Variants in OR4C6 observed in about 807,000 individuals in gnomAD.
OR4C6 encodes olfactory receptor 4C6.
A neutral mutation model predicts 13.9 loss-of-function variants in OR4C6; 20 were observed. The ratio of observed to expected loss-of-function variants is 1.43; its 90% CI spans 1.01 to 2.08. The LOEUF is 2.08. Among genes scored for constraint, OR4C6 ranks in the 30% most tolerant of loss-of-function variants. The pLI is 0.00. For synonymous variants in OR4C6, 193 were observed against 141.5 expected (o/e 1.36, Z -2.58); for missense variants, 555 against 381.2 (o/e 1.46, Z -3.80).
rs12363829 is a variant in OR4C6, at chr11:55,666,029, G to A, written c.863G>A (p.Arg288Lys). 6.2e-7 allele frequency: 1 copy of A among 1,613,784 alleles called. No homozygotes were observed. Among genetic ancestry groups the A allele is most frequent in the East Asian group, 2.2e-5 (1 of 44,866 alleles). ...PMLNPLIYTL[R>K]NAEVKSAMKK... Reference sequence around the variant, plus strand: ...TTAAATCCCTTGATCTATACACTGAGGAATGCAGAGGTGAAAAGTGCCATG... The same window carrying A: ...TTAAATCCCTTGATCTATACACTGAAGAATGCAGAGGTGAAAAGTGCCATG... The change falls in exon 2 of 2, where the codon AGG (arginine) becomes AAG (lysine). Residue 288 changes from arginine (R) to lysine (K), a missense_variant. Transcript: ENST00000314259.
chr11:55,665,231 G>A lies in OR4C6; in HGVS notation c.65G>A (p.Trp22Ter), dbSNP rs146328803. 6.2e-7 allele frequency: 1 copy of A among 1,613,184 alleles called. No individual in the cohort carries two copies. Among genetic ancestry groups the A allele is most frequent in the African/African-American group, 1.3e-5 (1 of 74,714 alleles). ...GGTCTCACAGAGAACCTGGAGCTGT[G>A]GAAAATATTTTCTGCTGTGTTTCTT... ...LLGLTENLEL[W>*]KIFSAVFLVM... Residue 22 changes from tryptophan (W) to a stop codon, truncating the protein, a stop_gained, in exon 2 of 2, where the codon TGG becomes TAG. Transcript: ENST00000314259. LOFTEE classifies it high-confidence loss of function.
chr11:55,664,894 A>C (rs1858716472), intron 1 of OR4C6, among the ~76,000 whole-genome samples: 1 of 152,084 alleles, frequency 6.6e-6, no homozygotes, highest in Non-Finnish European at 1.5e-5. Flanking sequence ...ACAAGGAGGA[A>C]AAAATCTATT....
At position 55,665,534 on chromosome 11, in the gene OR4C6, C is replaced by A. The variant is rs147078587; in HGVS notation, c.368C>A (p.Ala123Asp). The change falls in exon 2 of 2, where the codon GCC becomes GAC. Residue 123 changes from alanine (A) to aspartate (D), a missense_variant. Coordinates refer to ENST00000314259, the MANE Select transcript of OR4C6 (RefSeq NM_001004704.2). ...GTGATGGCCTATGACCGCTACGTGG[C>A]CATCTGTAAGCCCCTGCACTACACG... Reference protein sequence around the residue: ...LTVMAYDRYVAICKPLHYTII... With the variant: ...LTVMAYDRYVDICKPLHYTII... 1.2e-4 allele frequency: 197 copies of A among 1,613,832 alleles called. 1 individual carries two copies. In the African/African-American group the frequency reaches 2.0e-3, roughly 16 times the overall value.
Position 55,665,799 on chromosome 11 carries a change from C to A in OR4C6, c.633C>A (p.Ile211=), listed in dbSNP as rs1170715462. Reference sequence around the variant, plus strand: ...TGATGTGTGTGGCCATCTTTCTTATCTTAATTGCGTCCTACACGGTCATCC... The same window carrying A: ...TGATGTGTGTGGCCATCTTTCTTATATTAATTGCGTCCTACACGGTCATCC... ...SGMMCVAIFL[I]LIASYTVILC... The change falls in exon 2 of 2, where the codon ATC becomes ATA. Residue 211 remains isoleucine, a synonymous_variant. Transcript: ENST00000314259. 2 of 1,613,960 alleles carry A rather than the reference C, an allele frequency of 1.2e-6. No individual in the cohort carries two copies. The highest frequency in any genetic ancestry group is 1.7e-5 in the Admixed American group (1 of 59,996).
At chr11:55,664,991 T>C (rs1858717672) in intron 1 of OR4C6, 134 bp from the exon 2 acceptor site, 2 of 559,466 alleles carry the variant, frequency 3.6e-6, no homozygotes, top group Non-Finnish European at 6.3e-6. Flanking sequence ...AAATTATTTA[T>C]TTAGCACATT....
At chr11:55,664,415 A>T (rs1858708473) in intron 1 of OR4C6, among the ~76,000 whole-genome samples, 1 of 152,062 alleles carries the variant, frequency 6.6e-6, no homozygotes, top group African/African-American at 2.4e-5. Context: ...AATCTTCATT[A>T]CTGAACAATG....
rs754237002 is a variant in OR4C6, at chr11:55,665,461, C to A, written c.295C>A (p.Leu99Met). The change falls in exon 2 of 2, where the codon CTG becomes ATG. Residue 99 changes from leucine to methionine, a missense_variant. Physicochemically the swap from Leu to Met is conservative, Grantham distance 15. Coordinates refer to ENST00000314259, the MANE Select transcript of OR4C6 (RefSeq NM_001004704.2). ...CTCTCTCAAAGGCTGCCTCACCCAG[C>A]TGTTTGTGGAGCATTTCTTTGGTGG... The part of the protein sequence containing the change: ...TISLKGCLTQ[L>M]FVEHFFGGVG... 6.2e-7 allele frequency: 1 copy of A among 1,613,880 alleles called. No individual in the cohort carries two copies. Among genetic ancestry groups the A allele is most frequent in the Admixed American group, 1.7e-5 (1 of 59,984 alleles).
rs1858691017 is a variant in OR4C6, at chr11:55,663,187, G to C, written c.-43+939G>C. ...CCCTTTGAACAGAAGATTAAGTATG[G>C]AAAAAAATAACAGGGTATGAGTCTG... On this transcript the variant is annotated intron_variant, in intron 1 of 1. Coordinates refer to ENST00000314259, the MANE Select transcript of OR4C6 (RefSeq NM_001004704.2). Among the ~76,000 whole-genome samples the C allele has an allele frequency of 2.2e-5, 3 of 137,238 alleles. 1 individual carries two copies. The highest frequency in any genetic ancestry group is 4.8e-5 in the Non-Finnish European group (3 of 62,024). 90.0% of individuals were successfully genotyped at this position (137,238 alleles called of 152,430 possible).
Position 55,665,602 on chromosome 11 carries a change from G to A in OR4C6, c.436G>A (p.Ala146Thr), listed in dbSNP as rs778706066. The A allele has an allele frequency of 6.2e-6, 10 of 1,613,770 alleles. No individual in the cohort carries two copies. Among genetic ancestry groups the A allele is most frequent in the Non-Finnish European group, 6.8e-6 (8 of 1,179,974 alleles). The change falls in exon 2 of 2, where the codon GCT becomes ACT. Residue 146 changes from alanine (A) to threonine (T), a missense_variant. Coordinates refer to ENST00000314259, the MANE Select transcript of OR4C6 (RefSeq NM_001004704.2). Reference protein sequence around the residue: ...PRVCCLMVGGAWVGGFMHAMI... With the variant: ...PRVCCLMVGGTWVGGFMHAMI... ...GGTGTGCTGCCTAATGGTAGGAGGGGCTTGGGTGGGGGGATTTATGCACGC... is the reference window on the plus strand; with the variant it reads ...GGTGTGCTGCCTAATGGTAGGAGGGACTTGGGTGGGGGGATTTATGCACGC...
chr11:55,665,336 T>C lies in OR4C6; in HGVS notation c.170T>C (p.Met57Thr), dbSNP rs372837282. ...IITSQSLRSP[M>T]YFFLTFLSLL... ...ACAAGTCAGAGTCTGAGGTCACCTA[T>C]GTATTTTTTTCTTACCTTCTTGTCC... The change falls in exon 2 of 2, where the codon ATG (methionine) becomes ACG (threonine). Residue 57 changes from methionine to threonine, a missense_variant. By Grantham distance (81) the Met-to-Thr change is moderately conservative. Transcript: ENST00000314259. 6 of 1,613,806 alleles carry C rather than the reference T, an allele frequency of 3.7e-6. No individual in the cohort carries two copies. The highest frequency in any genetic ancestry group is 3.3e-5 in the South Asian group (3 of 91,088).
At position 55,662,655 on chromosome 11, in the gene OR4C6, T is replaced by C. The variant is rs1858685168; in HGVS notation, c.-43+407T>C. Among the ~76,000 whole-genome samples the C allele has an allele frequency of 1.4e-5, 2 of 138,170 alleles. 1 individual carries two copies. Among genetic ancestry groups the C allele is most frequent in the Non-Finnish European group, 3.2e-5 (2 of 62,190 alleles). The allele number at this position is 138,170 out of a possible 152,430, so 90.6% of individuals were successfully genotyped here. ...AGTGGCGGTAGGCAGTGGGGAGAATTGGTTGACTGAGGGCATAGACAGAGG... is the reference window on the plus strand; with the variant it reads ...AGTGGCGGTAGGCAGTGGGGAGAATCGGTTGACTGAGGGCATAGACAGAGG... On this transcript the variant is annotated intron_variant, in intron 1 of 1. Transcript: ENST00000314259.
rs144349650 is a variant in OR4C6 at position 55,665,500 on chromosome 11, C to T, written c.334C>T (p.Leu112Phe). Residue 112 changes from leucine (L) to phenylalanine (F), a missense_variant, in exon 2 of 2, where the codon CTC becomes TTC. By Grantham distance (22) the Leu-to-Phe change is conservative. Coordinates refer to ENST00000314259, the MANE Select transcript of OR4C6 (RefSeq NM_001004704.2). ...TTTCTTTGGTGGTGTGGGGATCATC[C>T]TCCTCACTGTGATGGCCTATGACCG... Reference protein sequence around the residue: ...EHFFGGVGIILLTVMAYDRYV... With the variant: ...EHFFGGVGIIFLTVMAYDRYV... 1.2e-5 allele frequency: 20 copies of T among 1,613,802 alleles called. No individual in the cohort carries two copies. In the East Asian group the frequency reaches 4.5e-4, roughly 36 times the overall value.
intron 1 of OR4C6, 132 bp from the exon 2 acceptor site, chr11:55,664,993 T>G (rs1227900031): frequency 3.6e-6 from 2 of 561,524 alleles, no homozygotes; most frequent in African/African-American, 1.9e-5. Flanking sequence ...ATTATTTATT[T>G]AGCACATTCT....
At chr11:55,664,959 A>G (rs1186245086) in intron 1 of OR4C6, among the ~76,000 whole-genome samples, 166 bp from the exon 2 acceptor site, 2 of 152,110 alleles carry the variant, frequency 1.3e-5, no homozygotes, top group Non-Finnish European at 2.9e-5. Context: ...GAAGCCTTGC[A>G]TAAATAAAGT....
At position 55,665,953 on chromosome 11, in the gene OR4C6, C is replaced by G; in HGVS notation, c.787C>G (p.His263Asp). Reference sequence around the variant, plus strand: ...CTTGTACATGAGGCCTGTGGTCACTCACCCCATAGACAAGGCAATGGCTGT... The same window carrying G: ...CTTGTACATGAGGCCTGTGGTCACTGACCCCATAGACAAGGCAATGGCTGT... Reference protein sequence around the residue: ...IFLYMRPVVTHPIDKAMAVSD... With the variant: ...IFLYMRPVVTDPIDKAMAVSD... The change falls in exon 2 of 2, where the codon CAC becomes GAC. Residue 263 changes from histidine (H) to aspartate (D), a missense_variant. His to Asp is a moderately conservative substitution (Grantham distance 81). Coordinates refer to ENST00000314259, the MANE Select transcript of OR4C6 (RefSeq NM_001004704.2). The G allele has an allele frequency of 6.2e-7, 1 of 1,613,898 alleles. No homozygotes were observed. Among genetic ancestry groups the G allele is most frequent in the Non-Finnish European group, 8.5e-7 (1 of 1,179,946 alleles).
In OR4C6 at chr11:55,665,992, A is replaced by T. The variant is rs568493112; in HGVS notation, c.826A>T (p.Ile276Phe). 8 of 1,613,442 alleles carry T rather than the reference A, an allele frequency of 5.0e-6. No individual in the cohort carries two copies. The highest frequency in any genetic ancestry group is 6.8e-6 in the Non-Finnish European group (8 of 1,179,700). The change falls in exon 2 of 2, where the codon ATC becomes TTC. Residue 276 changes from isoleucine (I) to phenylalanine (F), a missense_variant. Transcript: ENST00000314259. Reference sequence around the variant, plus strand: ...GGCAATGGCTGTGTCAGACTCAATCATCACACCCATGTTAAATCCCTTGAT... The same window carrying T: ...GGCAATGGCTGTGTCAGACTCAATCTTCACACCCATGTTAAATCCCTTGAT... The part of the protein sequence containing the change: ...DKAMAVSDSI[I>F]TPMLNPLIYT...
In OR4C6 at chr11:55,665,946, G is replaced by C. The variant is rs1038144347; in HGVS notation, c.780G>C (p.Val260=). 2 of 1,613,618 alleles carry C rather than the reference G, an allele frequency of 1.2e-6. No homozygotes were observed. Among genetic ancestry groups the C allele is most frequent in the Non-Finnish European group, 1.7e-6 (2 of 1,179,970 alleles). The stretch of plus-strand genomic sequence containing the variant: ...GTATTTTCTTGTACATGAGGCCTGT[G>C]GTCACTCACCCCATAGACAAGGCAA... ...VPCIFLYMRP[V]VTHPIDKAMA... is the part of the protein sequence containing the mutation. Residue 260 remains valine (V), a synonymous_variant, in exon 2 of 2, where the codon GTG becomes GTC. Coordinates refer to ENST00000314259, the MANE Select transcript of OR4C6 (RefSeq NM_001004704.2).
At position 55,665,414 on chromosome 11, in the gene OR4C6, C is replaced by A; in HGVS notation, c.248C>A (p.Thr83Asn). Residue 83 changes from threonine to asparagine, a missense_variant, in exon 2 of 2, where the codon ACC (threonine) becomes AAC (asparagine). Thr to Asn is a moderately conservative substitution (Grantham distance 65). Coordinates refer to ENST00000314259, the MANE Select transcript of OR4C6 (RefSeq NM_001004704.2). ...SVVAPKVIVD[T>N]LSKSTTISLK... Reference sequence around the variant, plus strand: ...GTTGCCCCCAAGGTGATTGTAGACACCCTCTCCAAGAGCACTACCATCTCT... The same window carrying A: ...GTTGCCCCCAAGGTGATTGTAGACAACCTCTCCAAGAGCACTACCATCTCT... 4 of 1,613,734 alleles carry A rather than the reference C, an allele frequency of 2.5e-6. No individual in the cohort carries two copies. Among genetic ancestry groups the A allele is most frequent in the Non-Finnish European group, 3.4e-6 (4 of 1,179,904 alleles).
intron 1 of OR4C6, among the ~76,000 whole-genome samples, chr11:55,664,101 A>G (rs755377140): frequency 9.2e-5 from 14 of 151,952 alleles, no homozygotes; most frequent in Non-Finnish European, 1.6e-4. Flanking sequence ...AAATAGTTAT[A>G]TAATCTCGTG....
Sources: gnomAD v4.1 joint callset for allele counts (sites outside exome capture counted in the v4.1 genomes callset) on GRCh38, gnomAD v4.1.1 for gene constraint, MANE v1.5 for transcripts, NCBI Gene and HGNC (gene_info 2026-07-23, HGNC 2026-07-21) for gene names.